FRMD4B: variants seen among roughly 807,000 people sequenced by gnomAD.
The protein encoded by FRMD4B is FERM domain-containing protein 4B.
FRMD4B carries 74 observed loss-of-function variants against 141.5 expected under a neutral mutation model. The ratio of observed to expected loss-of-function variants is 0.52; its 90% CI spans 0.43 to 0.63. FRMD4B has a LOEUF of 0.63. FRMD4B is among the 30% of genes least tolerant of loss of function. The probability of loss-of-function intolerance (pLI) is 0.00; values close to 1 mark genes in which losing one functional copy is unlikely to be tolerated. For missense variants in FRMD4B, 1,366 were observed against 1,253.4 expected (o/e 1.09, Z -1.36); for synonymous variants, 506 against 467.9 (o/e 1.08, Z -1.05).
In FRMD4B at chr3:69,187,828, G is replaced by A; in HGVS notation, c.1861C>T (p.Arg621Ter). 1 of 1,610,596 alleles carries A rather than the reference G, an allele frequency of 6.2e-7. No individual in the cohort carries two copies. Among genetic ancestry groups the A allele is most frequent in the Non-Finnish European group, 8.5e-7 (1 of 1,177,272 alleles). ...ILPPKSLGIE[R>*]IHFRKSSINE... ...ATGGACGACTTTCTGAAATGGATTC[G>A]CTCAATACCAAGAGACTTGGGGGGA... The change falls in exon 19 of 23, where the codon CGA becomes TGA. Residue 621 changes from arginine (R) to a stop codon, truncating the protein, a stop_gained. Coordinates refer to ENST00000398540, the MANE Select transcript of FRMD4B (RefSeq NM_015123.3). LOFTEE classifies it high-confidence loss of function.
At chr3:69,202,426 T>A (rs551552354) in intron 11 of FRMD4B, among the ~76,000 whole-genome samples, 35 of 151,202 alleles carry the variant, frequency 2.3e-4, no homozygotes, top group Non-Finnish European at 3.8e-4. Context: ...AATTTTCATA[T>A]TAAAACAGAA....
Position 69,417,724 on chromosome 3 carries a change from C to T in FRMD4B, c.-1+14910G>A, listed in dbSNP as rs79460540. 8.9e-3 allele frequency among the ~76,000 whole-genome samples: 1,360 copies of T among 152,322 alleles called. 23 individuals are homozygous for T. Among genetic ancestry groups the T allele is most frequent in the African/African-American group, 0.031 (1,280 of 41,578 alleles). ...TCATCTGGCTACCGTGACAAATTACCATAGCTGATGGCTTAAAATGGCCGA... is the reference window on the plus strand; with the variant it reads ...TCATCTGGCTACCGTGACAAATTACTATAGCTGATGGCTTAAAATGGCCGA... On this transcript the variant is annotated intron_variant, in intron 2 of 5. Coordinates refer to the FRMD4B transcript ENST00000459638.
At chr3:69,215,351 G>GCACC (rs2093130677) in intron 11 of FRMD4B, among the ~76,000 whole-genome samples, 1 of 120,070 alleles carries the variant, frequency 8.3e-6, no homozygotes, top group East Asian at 2.5e-4. Context: ...GGAGTGCGGT[G>GCACC]GCACAATCTT....
At chr3:69,300,437 T>C (rs1283743516) in intron 4 of FRMD4B, among the ~76,000 whole-genome samples, 1 of 152,148 alleles carries the variant, frequency 6.6e-6, no homozygotes, top group South Asian at 2.1e-4. Context: ...CTGAAACTCA[T>C]GAACAAGCAG....
chr3:69,449,310 G>C (rs933104693), intron 1 of FRMD4B, among the ~76,000 whole-genome samples: 2 of 152,188 alleles, frequency 1.3e-5, no homozygotes, highest in South Asian at 4.1e-4. Flanking sequence ...ATGAAGACGT[G>C]CATGATGACA....
At chr3:69,365,687 G>C (rs1012553726) in intron 1 of FRMD4B, among the ~76,000 whole-genome samples, 2 of 151,684 alleles carry the variant, frequency 1.3e-5, no homozygotes, top group African/African-American at 4.8e-5. Context: ...TATTACAGAC[G>C]GGGCTTCACC....
chr3:69,540,218 T>C (rs1484079015), intron 1 of FRMD4B, among the ~76,000 whole-genome samples: 3 of 151,724 alleles, frequency 2.0e-5, no homozygotes, highest in Admixed American at 2.0e-4. Flanking sequence ...GAAACACCAA[T>C]ACATCCACCA....
intron 9 of FRMD4B, among the ~76,000 whole-genome samples, chr3:69,219,782 C>T (rs7639425): frequency 0.82 from 124,758 of 152,082 alleles, 52,498 homozygotes; most frequent in East Asian, 0.99. Flanking sequence ...CACCCCAGCC[C>T]TCTCCTGACA....
At chr3:69,494,659 A>G (rs1706356098) in intron 1 of FRMD4B, among the ~76,000 whole-genome samples, 1 of 152,168 alleles carries the variant, frequency 6.6e-6, no homozygotes, top group South Asian at 2.1e-4. Context: ...TGGGAGGCCA[A>G]GGTGGGTGGA....
intron 1 of FRMD4B, among the ~76,000 whole-genome samples, chr3:69,514,095 G>A (rs886893744): frequency 6.6e-6 from 1 of 152,102 alleles, no homozygotes; most frequent in South Asian, 2.1e-4. Context: ...ATCCAAATTG[G>A]AAAGAAGGAA....
At chr3:69,271,994 TA>T in intron 5 of FRMD4B, among the ~76,000 whole-genome samples, 1 of 152,036 alleles carries the variant, frequency 6.6e-6, no homozygotes, top group East Asian at 1.9e-4. Flanking sequence ...AAAAATAAAA[TA>T]AAATAAATAA....
At chr3:69,517,286 C>T (rs539015461) in intron 1 of FRMD4B, among the ~76,000 whole-genome samples, 1 of 152,142 alleles carries the variant, frequency 6.6e-6, no homozygotes, top group Non-Finnish European at 1.5e-5. Context: ...ATATGTACAA[C>T]ATACTCCCTT....
intron 1 of FRMD4B, among the ~76,000 whole-genome samples, chr3:69,448,798 A>G (rs1705448198): frequency 6.6e-6 from 1 of 152,376 alleles, no homozygotes; most frequent in Admixed American, 6.5e-5. Flanking sequence ...CAGACTATAA[A>G]GAATAAAGAA....
chr3:69,369,232 C>T (rs1480145196), intron 1 of FRMD4B, among the ~76,000 whole-genome samples: 1 of 152,144 alleles, frequency 6.6e-6, no homozygotes, highest in African/African-American at 2.4e-5. Context: ...CCTATCTATA[C>T]ATAAATACAT....
chr3:69,518,617 T>C (rs745738898), intron 1 of FRMD4B, among the ~76,000 whole-genome samples: 1 of 152,218 alleles, frequency 6.6e-6, no homozygotes, highest in Non-Finnish European at 1.5e-5. Context: ...TGGTGTTATC[T>C]ACCCTTCCAA....
chr3:69,362,263 G>C (rs951915625), intron 1 of FRMD4B, among the ~76,000 whole-genome samples: 4 of 152,162 alleles, frequency 2.6e-5, no homozygotes, highest in African/African-American at 7.2e-5. Context: ...CTGAGGCATA[G>C]AGAGGTTAAA....
At chr3:69,328,293 T>A (rs1343186574) in intron 1 of FRMD4B, among the ~76,000 whole-genome samples, 1 of 152,238 alleles carries the variant, frequency 6.6e-6, no homozygotes, top group East Asian at 1.9e-4. Context: ...GGTTATTGAA[T>A]CTGCATGGAA....
At chr3:69,411,192 T>C (rs1165289138) in intron 2 of FRMD4B, among the ~76,000 whole-genome samples, 3 of 152,154 alleles carry the variant, frequency 2.0e-5, no homozygotes, top group African/African-American at 7.2e-5. Context: ...ATCCTAATTT[T>C]CTACATGGTG....
intron 2 of FRMD4B, among the ~76,000 whole-genome samples, chr3:69,414,345 A>G (rs1022068220): frequency 6.6e-6 from 1 of 152,200 alleles, no homozygotes; most frequent in African/African-American, 2.4e-5. Flanking sequence ...GGGAAGGAAA[A>G]AAACCACAAA....
Sources: allele counts gnomAD v4.1 joint callset (sites outside exome capture counted in the v4.1 genomes callset), GRCh38; gene constraint gnomAD v4.1.1; transcripts MANE v1.5; gene names NCBI Gene and HGNC (gene_info 2026-07-23, HGNC 2026-07-21).